EPC1: variants seen among roughly 807,000 people sequenced by gnomAD.
EPC1 encodes enhancer of polycomb 1.
EPC1 carries 12 observed loss-of-function variants against 98.4 expected under a neutral mutation model. That is an observed-to-expected ratio of 0.12 (90% CI 0.08 to 0.20). EPC1 has a LOEUF of 0.20. Ranked by LOEUF, EPC1 falls within the 10% of genes least tolerant of loss-of-function variation. The probability of loss-of-function intolerance (pLI) is 1.00; values close to 1 mark genes in which losing one functional copy is unlikely to be tolerated. For synonymous variants in EPC1, 357 were observed against 363.9 expected (o/e 0.98, Z 0.21); for missense variants, 729 against 990.5 (o/e 0.74, Z 3.54).
intron 1 of EPC1, 129 bp downstream of exon 1, chr10:32,346,634 C>A: frequency 1.0e-6 from 1 of 959,330 alleles, no homozygotes; most frequent in East Asian, 2.6e-5. Context: ...ATAGGCCCGG[C>A]CGGCGACTGA....
At chr10:32,293,806 C>CA (rs1834986008) in intron 2 of EPC1, 69 bp from the exon 3 acceptor site, 15 of 1,413,334 alleles carry the variant, frequency 1.1e-5, no homozygotes, top group Non-Finnish European at 1.3e-5. Context: ...CAGATGTCTG[C>CA]ATAAAAACAA....
intron 1 of EPC1, among the ~76,000 whole-genome samples, chr10:32,362,277 C>A (rs1310751760): frequency 6.6e-6 from 1 of 151,992 alleles, no homozygotes; most frequent in Non-Finnish European, 1.5e-5. Context: ...ATATGTGTCC[C>A]TGCCAAAATC....
At chr10:32,342,217 A>G (rs1035216956) in intron 1 of EPC1, among the ~76,000 whole-genome samples, 3 of 152,216 alleles carry the variant, frequency 2.0e-5, no homozygotes, top group Non-Finnish European at 2.9e-5. Context: ...CTTCACTTCC[A>G]AGAGAGTGGA....
At chr10:32,375,966 T>C (rs1839863306) in intron 1 of EPC1, among the ~76,000 whole-genome samples, 1 of 151,900 alleles carries the variant, frequency 6.6e-6, no homozygotes, top group South Asian at 2.1e-4. Flanking sequence ...ATGTTATCAA[T>C]TAAAAAAAAT....
chr10:32,305,385 G>C (rs1835816859), intron 2 of EPC1, among the ~76,000 whole-genome samples: 1 of 152,180 alleles, frequency 6.6e-6, no homozygotes, highest in Non-Finnish European at 1.5e-5. Context: ...GTCTACAGTA[G>C]TTACAATCTG....
intron 1 of EPC1, among the ~76,000 whole-genome samples, chr10:32,310,513 CCCTT>C (rs1236717764): frequency 1.3e-4 from 20 of 152,262 alleles, no homozygotes; most frequent in Admixed American, 1.2e-3. Flanking sequence ...AAAAAAACTT[CCCTT>C]ATGTTATATC....
intron 1 of EPC1, among the ~76,000 whole-genome samples, chr10:32,325,789 T>G (rs1200435592): frequency 4.0e-5 from 6 of 151,554 alleles, no homozygotes; most frequent in Admixed American, 3.9e-4. Context: ...TTTTGGTGTT[T>G]TTTTTTTAAC....
upstream of EPC1, chr10:32,347,224 G>A: frequency 4.1e-6 from 5 of 1,224,208 alleles, no homozygotes; most frequent in East Asian, 3.2e-5. Context: ...CACGCGGGCG[G>A]GGGGAGGGAG....
At chr10:32,315,822 G>A (rs1836517075) in intron 1 of EPC1, among the ~76,000 whole-genome samples, 1 of 152,154 alleles carries the variant, frequency 6.6e-6, no homozygotes, top group African/African-American at 2.4e-5. Flanking sequence ...ACCTTCATCT[G>A]TTCTTCATGG....
intron 1 of EPC1, among the ~76,000 whole-genome samples, chr10:32,355,607 CTTTTTTTTTTTT>C (rs542748610): frequency 6.9e-5 from 5 of 72,848 alleles, no homozygotes; most frequent in Middle Eastern, 9.4e-3. Context: ...GTGCCTTACC[CTTTTTTTTTTTT>C]TTTTTTTTTT....
intron 13 of EPC1, among the ~76,000 whole-genome samples, chr10:32,270,518 C>T (rs1404930199): frequency 6.6e-6 from 1 of 152,088 alleles, no homozygotes; most frequent in Non-Finnish European, 1.5e-5. Flanking sequence ...TACTGTAAGT[C>T]TTTACATTAA....
chr10:32,304,844 AG>A, intron 2 of EPC1, among the ~76,000 whole-genome samples: 1 of 150,726 alleles, frequency 6.6e-6, no homozygotes, highest in Non-Finnish European at 1.5e-5. Context: ...CCTTGAACCC[AG>A]GAGGTGGAGG....
intron 10 of EPC1, among the ~76,000 whole-genome samples, chr10:32,274,634 T>C (rs1337709243): frequency 6.6e-6 from 1 of 152,170 alleles, no homozygotes; most frequent in Non-Finnish European, 1.5e-5. Context: ...ATTTTCTGTG[T>C]GTGTTAAAAT....
intron 1 of EPC1, among the ~76,000 whole-genome samples, chr10:32,337,055 C>CT (rs1838018158): frequency 1.3e-5 from 2 of 152,192 alleles, no homozygotes; most frequent in Admixed American, 1.3e-4. Flanking sequence ...ATGCTAAACA[C>CT]TGAGCTTTAT....
At chr10:32,373,589 C>T (rs1839809584) in intron 1 of EPC1, among the ~76,000 whole-genome samples, 2 of 152,120 alleles carry the variant, frequency 1.3e-5, no homozygotes, top group Non-Finnish European at 2.9e-5. Flanking sequence ...ACAAACCTGG[C>T]CAATGAGCTC....
At chr10:32,294,070 C>T (rs1454596253) in intron 2 of EPC1, among the ~76,000 whole-genome samples, 1 of 152,114 alleles carries the variant, frequency 6.6e-6, no homozygotes, top group East Asian at 1.9e-4. Context: ...ATGTGAAGTG[C>T]CATTTTTATA....
chr10:32,336,090 C>T (rs143713361), intron 1 of EPC1, among the ~76,000 whole-genome samples: 2,271 of 137,466 alleles, frequency 0.017, 32 homozygotes, highest in Non-Finnish European at 0.026. Flanking sequence ...TTTTTTGAGA[C>T]GGAGTTTTGC....
intron 2 of EPC1, among the ~76,000 whole-genome samples, chr10:32,296,768 G>A (rs1405843525): frequency 8.5e-5 from 13 of 152,230 alleles, no homozygotes; most frequent in Admixed American, 3.3e-4. Context: ...TTAGCTGGGC[G>A]TGGTGGCGGG....
intron 1 of EPC1, among the ~76,000 whole-genome samples, chr10:32,375,450 A>C (rs1839851982): frequency 6.6e-6 from 1 of 152,092 alleles, no homozygotes; most frequent in African/African-American, 2.4e-5. Context: ...CAAGTTAATA[A>C]ATTAGGAAAT....
Sources: gnomAD v4.1 joint callset for allele counts (sites outside exome capture counted in the v4.1 genomes callset) on GRCh38, gnomAD v4.1.1 for gene constraint, MANE v1.5 for transcripts, NCBI Gene and HGNC (gene_info 2026-07-23, HGNC 2026-07-21) for gene names.